The following RSPH4A variants were observed in gnomAD, a reference collection of about 807,000 sequenced individuals.
RSPH4A encodes the protein radial spoke head component 4A.
Under a neutral mutation model 71.0 loss-of-function variants are expected in RSPH4A, and 47 were observed. The ratio of observed to expected loss-of-function variants is 0.66; its 90% CI spans 0.52 to 0.84. RSPH4A has a LOEUF of 0.84. RSPH4A is among the 40% of genes least tolerant of loss of function. The probability of loss-of-function intolerance (pLI) is 0.00; values close to 1 mark genes in which losing one functional copy is unlikely to be tolerated. For synonymous variants in RSPH4A, 282 were observed against 302.3 expected (o/e 0.93, Z 0.70); for missense variants, 793 against 855.2 (o/e 0.93, Z 0.91).
chr6:116,617,927 A>G (rs578259193), intron 1 of RSPH4A, among the ~76,000 whole-genome samples: 39 of 152,328 alleles, frequency 2.6e-4, no homozygotes, highest in African/African-American at 9.4e-4. Flanking sequence ...CCATCCCATT[A>G]TAGCTTTAAT....
chr6:116,630,493 T>C lies in RSPH4A; in HGVS notation c.1857T>C (p.Tyr619=). Residue 619 remains tyrosine (Y), a synonymous_variant, in exon 5 of 6, where the codon TAT becomes TAC. Coordinates refer to ENST00000229554, the MANE Select transcript of RSPH4A (RefSeq NM_001010892.3). ...TATCCTCAAATCTCATTCCACAATA[T>C]GCTATTGCAGTCCTTCAATCCAACC... ...TRLSSNLIPQ[Y]AIAVLQSNLW... 1 of 1,612,422 alleles carries C rather than the reference T, an allele frequency of 6.2e-7. No individual in the cohort carries two copies. The highest frequency in any genetic ancestry group is 8.5e-7 in the Non-Finnish European group (1 of 1,178,540).
intron 1 of RSPH4A, among the ~76,000 whole-genome samples, chr6:116,620,223 T>C (rs997909106): frequency 2.6e-5 from 4 of 152,198 alleles, no homozygotes; most frequent in African/African-American, 9.6e-5. Flanking sequence ...TAAAACAATG[T>C]GAAAACATAA....
rs146636625 is a variant in RSPH4A at position 116,628,040 on chromosome 6, C to T, written c.1333C>T (p.Pro445Ser). 62 of 1,614,020 alleles carry T rather than the reference C, an allele frequency of 3.8e-5. No individual in the cohort carries two copies. The highest frequency in any genetic ancestry group is 6.7e-5 in the Admixed American group (4 of 59,988). The change falls in exon 3 of 6, where the codon CCA becomes TCA. Residue 445 changes from proline to serine, a missense_variant. Coordinates refer to ENST00000229554, the MANE Select transcript of RSPH4A (RefSeq NM_001010892.3). ...NEPGRPWVKL[P>S]PVIPAQIVIA... ...ACCAGGAAGACCATGGGTGAAGTTA[C>T]CACCAGTTATACCTGCACAAATTGT... is the stretch of plus-strand genomic sequence containing the variant.
At chr6:116,628,662 T>C (rs939168262) in intron 3 of RSPH4A, among the ~76,000 whole-genome samples, 2 of 152,186 alleles carry the variant, frequency 1.3e-5, no homozygotes, top group Non-Finnish European at 2.9e-5. Flanking sequence ...CAGATTTAGA[T>C]TTGTGTGTTC....
At chr6:116,617,392 G>A in intron 1 of RSPH4A, 83 bp downstream of exon 1, 1 of 951,302 alleles carries the variant, frequency 1.1e-6, no homozygotes, top group East Asian at 2.4e-5. Context: ...GTGTTTCTGT[G>A]GGTGAATCAA....
chr6:116,629,140 A>G lies in RSPH4A; in HGVS notation c.1663-427A>G, dbSNP rs974009516. Among the ~76,000 whole-genome samples, 16 of 152,348 alleles carry G rather than the reference A, an allele frequency of 1.1e-4. No individual in the cohort carries two copies. The East Asian group carries it at 1.7e-3, about 16-fold the overall frequency. ...AAGAGATACTCTTAGCTTTCTCTAC[A>G]TAAGAGCTAACTGAGACATTATAAA... On this transcript the variant is annotated intron_variant, in intron 3 of 5. Transcript: ENST00000229554.
rs1377561643 is a variant in RSPH4A, at chr6:116,622,929, T to A, written c.848T>A (p.Ile283Lys). 6.2e-7 allele frequency: 1 copy of A among 1,613,908 alleles called. No individual in the cohort carries two copies. Among genetic ancestry groups the A allele is most frequent in the Non-Finnish European group, 8.5e-7 (1 of 1,179,896 alleles). The change falls in exon 2 of 6, where the codon ATA becomes AAA. Residue 283 changes from isoleucine (I) to lysine (K), a missense_variant. Physicochemically the swap from Ile to Lys is moderately radical, Grantham distance 102. Transcript: ENST00000229554. ...AATGAGTTGCTTCCAACATATGAAA[T>A]AGCAGAAAAGCAAAAGGCTCTTTTT... ...NENELLPTYE[I>K]AEKQKALFLQ...
intron 1 of RSPH4A, 149 bp from the exon 2 acceptor site, chr6:116,622,619 C>T: frequency 3.4e-6 from 2 of 583,132 alleles, no homozygotes; most frequent in Non-Finnish European, 6.0e-6. Flanking sequence ...TTGCCTACTT[C>T]CTATTAATTG....
chr6:116,620,465 A>G (rs1030721109), intron 1 of RSPH4A, among the ~76,000 whole-genome samples: 4 of 152,196 alleles, frequency 2.6e-5, no homozygotes, highest in African/African-American at 9.7e-5. Flanking sequence ...TTTCATGGCA[A>G]TTTAAACAAT....
intron 5 of RSPH4A, among the ~76,000 whole-genome samples, chr6:116,631,471 C>T (rs1330506763): frequency 6.6e-6 from 1 of 152,138 alleles, no homozygotes; most frequent in East Asian, 1.9e-4. Flanking sequence ...GGGGTCATCT[C>T]ATTGACAAGG....
At chr6:116,619,376 T>C (rs2145547) in intron 1 of RSPH4A, among the ~76,000 whole-genome samples, 27,818 of 152,072 alleles carry the variant, frequency 0.18, 2,721 homozygotes, top group East Asian at 0.29. Flanking sequence ...AATTTTATTA[T>C]GGCCAGACAT....
Position 116,616,880 on chromosome 6 carries a change from C to G in RSPH4A, c.257C>G (p.Ser86Cys). ...GPETSSPAPVSPREPSSSPSP... is the reference protein window; with the variant it reads ...GPETSSPAPVCPREPSSSPSP... ...GAAACATCATCACCTGCTCCTGTCT[C>G]TCCGCGGGAGCCCTCTTCCTCTCCT... Residue 86 changes from serine (S) to cysteine (C), a missense_variant, in exon 1 of 6, where the codon TCT becomes TGT. Transcript: ENST00000229554. The G allele has an allele frequency of 6.2e-7, 1 of 1,614,206 alleles. No individual in the cohort carries two copies. Among genetic ancestry groups the G allele is most frequent in the Non-Finnish European group, 8.5e-7 (1 of 1,180,038 alleles).
chr6:116,617,101 C>G lies in RSPH4A; in HGVS notation c.478C>G (p.Leu160Val). The change falls in exon 1 of 6, where the codon CTG becomes GTG. Residue 160 changes from leucine to valine, a missense_variant. Physicochemically the swap from Leu to Val is conservative, Grantham distance 32. Transcript: ENST00000229554. ...ACAGTCTCAGCAACCCAAACCCCAC[C>G]TGTGTGGACGAAGGGACGTGAGCTA... ...FQQSQQPKPH[L>V]CGRRDVSYNN... 1 of 1,614,230 alleles carries G rather than the reference C, an allele frequency of 6.2e-7. No homozygotes were observed. The highest frequency in any genetic ancestry group is 8.5e-7 in the Non-Finnish European group (1 of 1,180,050).
At position 116,617,538 on chromosome 6, in the gene RSPH4A, C is replaced by T. The variant is rs72950475; in HGVS notation, c.686+229C>T. ...TTTTTTTTTTTTTGTCCTTTTCCTC[C>T]AGCTTCTTTAAAGACCCTAGGCACA... On this transcript the variant is annotated intron_variant, in intron 1 of 5. Transcript: ENST00000229554. 0.023 allele frequency among the ~76,000 whole-genome samples: 3,411 copies of T among 150,134 alleles called. 67 individuals carry two copies. The highest frequency in any genetic ancestry group is 0.1 in the Middle Eastern group (29 of 290).
chr6:116,626,118 G>T (rs945584570), intron 2 of RSPH4A, among the ~76,000 whole-genome samples: 1 of 152,216 alleles, frequency 6.6e-6, no homozygotes, highest in Admixed American at 6.5e-5. Context: ...GGGATCAAGA[G>T]TGAGTGGTAC....
chr6:116,619,443 C>G (rs140743413), intron 1 of RSPH4A, among the ~76,000 whole-genome samples: 1 of 151,906 alleles, frequency 6.6e-6, no homozygotes, highest in Admixed American at 6.5e-5. Flanking sequence ...AAATGAGAAG[C>G]GGTATGAGAC....
intron 2 of RSPH4A, 103 bp from the exon 3 acceptor site, chr6:116,627,526 A>G (rs1305889563): frequency 2.0e-6 from 2 of 977,058 alleles, no homozygotes; most frequent in Non-Finnish European, 3.3e-6. Flanking sequence ...AGAAATGTCA[A>G]AGAAGTGGTG....
At chr6:116,631,352 A>G (rs6934810) in intron 5 of RSPH4A, among the ~76,000 whole-genome samples, 12,147 of 152,212 alleles carry the variant, frequency 0.08, 701 homozygotes, top group Admixed American at 0.16. Context: ...TAGTATAAAC[A>G]AGAGAAAGCT....
In RSPH4A at chr6:116,630,847, A is replaced by ATTTTTTTTTTTT. The variant is rs10694358; in HGVS notation, c.1916+307_1916+318dup. ...ACCACTATGCCCAGCTAATTTTTGT[A>ATTTTTTTTTTTT]TTTTTTTTTTTTTTTTTTTTTTTAG... On this transcript the variant is annotated intron_variant, in intron 5 of 5. Transcript: ENST00000229554. Among the ~76,000 whole-genome samples, 102 of 87,310 alleles carry ATTTTTTTTTTTT rather than the reference A, an allele frequency of 1.2e-3. 4 individuals carry two copies. Among genetic ancestry groups the ATTTTTTTTTTTT allele is most frequent in the Non-Finnish European group, 1.6e-3 (76 of 47,708 alleles). 57.3% of individuals were successfully genotyped at this position (87,310 alleles called of 152,430 possible).
Sources: gnomAD v4.1 joint callset for allele counts (sites outside exome capture counted in the v4.1 genomes callset) on GRCh38, gnomAD v4.1.1 for gene constraint, MANE v1.5 for transcripts, NCBI Gene and HGNC (gene_info 2026-07-23, HGNC 2026-07-21) for gene names.